The following SAMD12 variants were observed in gnomAD, a reference collection of about 807,000 sequenced individuals.
SAMD12 encodes the protein sterile alpha motif domain containing 12.
SAMD12 carries 9 observed loss-of-function variants against 15.0 expected under a neutral mutation model. The ratio of observed to expected loss-of-function variants is 0.60; its 90% CI spans 0.36 to 1.05. SAMD12 has a LOEUF of 1.05. Among genes scored for constraint, SAMD12 ranks in the 50% least tolerant of loss-of-function variants. The pLI is 0.01. For missense variants in SAMD12, 230 were observed against 234.2 expected, an observed-to-expected ratio of 0.98 and a Z score of 0.12; for synonymous variants, 86 against 90.1, an observed-to-expected ratio of 0.96 and a Z score of 0.25.
chr8:118,354,465 T>C (rs1158401785), intron 4 of SAMD12, among the ~76,000 whole-genome samples: 2 of 152,360 alleles, frequency 1.3e-5, no homozygotes, highest in African/African-American at 4.8e-5. Context: ...TTTCTTCCAG[T>C]TTCCTCCTTA....
At chr8:118,526,959 C>A (rs1201608580) in intron 2 of SAMD12, among the ~76,000 whole-genome samples, 1 of 152,208 alleles carries the variant, frequency 6.6e-6, no homozygotes, top group Non-Finnish European at 1.5e-5. Context: ...CAAACAAACT[C>A]ACTGAAGACA....
the SAMD12 span, among the ~76,000 whole-genome samples, chr8:118,170,379 A>G: frequency 6.6e-6 from 1 of 152,224 alleles, no homozygotes; most frequent in East Asian, 1.9e-4. Context: ...TTAAGAGGTC[A>G]TACTCTATAC....
chr8:118,452,469 C>T (rs1002421862), intron 2 of SAMD12, among the ~76,000 whole-genome samples: 3 of 152,094 alleles, frequency 2.0e-5, no homozygotes, highest in African/African-American at 7.2e-5. Context: ...AGGTTTCATA[C>T]AATTAGAAAA....
chr8:118,599,520 A>G (rs938161564), intron 1 of SAMD12, among the ~76,000 whole-genome samples: 1 of 152,140 alleles, frequency 6.6e-6, no homozygotes. Context: ...TTCTGTCAAA[A>G]GGCTCCCGCT....
chr8:118,201,240 C>T (rs1400754136), intron 4 of SAMD12, among the ~76,000 whole-genome samples: 3 of 152,206 alleles, frequency 2.0e-5, no homozygotes, highest in Non-Finnish European at 4.4e-5. Context: ...ATCCCAGCCT[C>T]CTTCTGGCTC....
At chr8:118,367,342 C>T (rs1818852852) in intron 4 of SAMD12, among the ~76,000 whole-genome samples, 1 of 152,184 alleles carries the variant, frequency 6.6e-6, no homozygotes, top group African/African-American at 2.4e-5. Flanking sequence ...TGTTCTAAAT[C>T]AACTGACTCT....
chr8:118,256,709 C>T (rs938922606), intron 4 of SAMD12, among the ~76,000 whole-genome samples: 1 of 151,192 alleles, frequency 6.6e-6, no homozygotes, highest in Admixed American at 6.6e-5. Context: ...TGGCCAGCTC[C>T]TAGCAGAACT....
intron 2 of SAMD12, among the ~76,000 whole-genome samples, chr8:118,566,681 G>A (rs1826861456): frequency 1.3e-5 from 2 of 152,196 alleles, no homozygotes; most frequent in African/African-American, 4.8e-5. Context: ...AGAAACATGA[G>A]TGAAGAGCAC....
At chr8:118,441,521 A>G (rs1822763038) in intron 2 of SAMD12, among the ~76,000 whole-genome samples, 1 of 152,070 alleles carries the variant, frequency 6.6e-6, no homozygotes, top group Admixed American at 6.5e-5. Context: ...AAATAATCAC[A>G]ATGCTGATCA....
the SAMD12 span, among the ~76,000 whole-genome samples, chr8:118,156,743 A>G: frequency 6.7e-4 from 102 of 152,362 alleles, 1 homozygote; most frequent in African/African-American, 2.4e-3. Flanking sequence ...ATGCTATACA[A>G]TATGGCAAAA....
the SAMD12 span, among the ~76,000 whole-genome samples, chr8:118,145,338 A>T: frequency 6.6e-6 from 1 of 152,226 alleles, no homozygotes; most frequent in Non-Finnish European, 1.5e-5. Flanking sequence ...TTTTATAAAT[A>T]AATCTGAGTC....
At chr8:118,618,030 T>A (rs1423317308) in intron 1 of SAMD12, among the ~76,000 whole-genome samples, 1 of 5,308 alleles carries the variant, frequency 1.9e-4, no homozygotes, top group African/African-American at 3.0e-4. Flanking sequence ...TTGTTTTTGT[T>A]TTTTTTTTTT....
At position 118,378,544 on chromosome 8, in the gene SAMD12, G is replaced by C. The variant is rs529313923; in HGVS notation, c.*873C>G. ...TTCAGGGAGCACATTATTTCCTCTA[G>C]GCAAATGGACTATTACTAGGTTAAT... On this transcript the variant is annotated 3_prime_UTR_variant, in exon 4 of 4. Transcript: ENST00000314727. 4 of 984,576 alleles carry C rather than the reference G, an allele frequency of 4.1e-6. No individual in the cohort carries two copies. The South Asian group carries it at 1.4e-4, about 35-fold the overall frequency. 61.0% of individuals were successfully genotyped at this position (984,576 alleles called of 1,614,324 possible).
intron 3 of SAMD12, among the ~76,000 whole-genome samples, chr8:118,423,080 T>C (rs1822071907): frequency 6.6e-6 from 1 of 152,176 alleles, no homozygotes; most frequent in Admixed American, 6.5e-5. Flanking sequence ...CTCGGGAGGC[T>C]GTGTGTGGAG....
At chr8:118,519,085 C>A (rs78267074) in intron 2 of SAMD12, among the ~76,000 whole-genome samples, 3,574 of 152,198 alleles carry the variant, frequency 0.023, 114 homozygotes, top group African/African-American at 0.076. Flanking sequence ...TGAGGAGCAG[C>A]CTGATTTATA....
At chr8:118,572,062 C>T (rs1827026021) in intron 2 of SAMD12, among the ~76,000 whole-genome samples, 1 of 152,180 alleles carries the variant, frequency 6.6e-6, no homozygotes, top group Non-Finnish European at 1.5e-5. Context: ...GTGGAGCTGC[C>T]CAAGACCATG....
Position 118,378,669 on chromosome 8 carries a change from CA to C in SAMD12, c.*747del. ...CAGAATGACAAATACTCAAGGCTCT[CA>C]AAAACACATATTTTATCATCCTTTC... On this transcript the variant is annotated 3_prime_UTR_variant, in exon 4 of 4. Transcript: ENST00000314727. The C allele has an allele frequency of 1.0e-6, 1 of 984,874 alleles. No individual in the cohort carries two copies. The highest frequency in any genetic ancestry group is 1.2e-6 in the Non-Finnish European group (1 of 829,484). The allele number at this position is 984,874 out of a possible 1,614,324, so 61.0% of individuals were successfully genotyped here.
intron 2 of SAMD12, among the ~76,000 whole-genome samples, chr8:118,512,482 T>C (rs1449578750): frequency 6.6e-6 from 1 of 152,188 alleles, no homozygotes; most frequent in African/African-American, 2.4e-5. Flanking sequence ...ATATATCAGC[T>C]TGCATTAAAA....
chr8:118,218,077 C>CAA (rs571617492), intron 4 of SAMD12, among the ~76,000 whole-genome samples: 29 of 152,228 alleles, frequency 1.9e-4, no homozygotes, highest in Non-Finnish European at 3.7e-4. Context: ...CTGCAACACC[C>CAA]AAGTTGGTCT....
Sources: allele counts gnomAD v4.1 joint callset (sites outside exome capture counted in the v4.1 genomes callset), GRCh38; gene constraint gnomAD v4.1.1; transcripts MANE v1.5; gene names NCBI Gene and HGNC (gene_info 2026-07-23, HGNC 2026-07-21).